LRRC56: variants seen among roughly 807,000 people sequenced by gnomAD.
The protein encoded by LRRC56 is leucine-rich repeat-containing protein 56.
Under a neutral mutation model 47.8 loss-of-function variants are expected in LRRC56, and 41 were observed. The ratio of observed to expected loss-of-function variants is 0.86; its 90% CI spans 0.67 to 1.11. The LOEUF (loss-of-function observed/expected upper bound fraction) is 1.11, where lower values mean the gene tolerates loss of function less well. Ranked by LOEUF, LRRC56 falls within the 50% of genes most tolerant of loss-of-function variation. The pLI is 0.00. For synonymous variants in LRRC56, 387 were observed against 311.2 expected (o/e 1.24, Z -2.56); for missense variants, 759 against 704.2 (o/e 1.08, Z -0.88).
upstream of LRRC56, chr11:532,758 G>T: frequency 6.2e-7 from 1 of 1,612,300 alleles, no homozygotes; most frequent in Non-Finnish European, 8.5e-7. Context: ...TCCACTCCCT[G>T]GGAAAGGAGG....
At chr11:542,392 C>G (rs72841222) in intron 5 of LRRC56, among the ~76,000 whole-genome samples, 21,401 of 151,766 alleles carry the variant, frequency 0.14, 2,154 homozygotes, top group African/African-American at 0.29. Context: ...GGATGGATCA[C>G]TTGAGCCCAG....
Position 551,809 on chromosome 11 carries a change from A to T in LRRC56, c.955A>T (p.Thr319Ser). The change falls in exon 10 of 14, where the codon ACC (threonine) becomes TCC (serine). Residue 319 changes from threonine (T) to serine (S), a missense_variant. Coordinates refer to ENST00000270115, the MANE Select transcript of LRRC56 (RefSeq NM_198075.4). ...LSEDLAPEDN[T>S]SSLTHGAGQV... The stretch of plus-strand genomic sequence containing the variant: ...TGAGGACCTGGCCCCAGAAGATAAC[A>T]CCAGCAGCCTCACCCATGGTAACTG... The T allele has an allele frequency of 6.2e-7, 1 of 1,607,466 alleles. No homozygotes were observed. The highest frequency in any genetic ancestry group is 8.5e-7 in the Non-Finnish European group (1 of 1,176,576).
rs559625811 is a variant in LRRC56, at chr11:542,823, G to A, written c.265+1199G>A. Among the ~76,000 whole-genome samples, 55 of 152,148 alleles carry A rather than the reference G, an allele frequency of 3.6e-4. 2 individuals carry two copies. In the South Asian group the frequency reaches 0.011, roughly 31 times the overall value. On this transcript the variant is annotated intron_variant, in intron 5 of 13. Coordinates refer to ENST00000270115, the MANE Select transcript of LRRC56 (RefSeq NM_198075.4). ...CCTTAAATGCAGTGCGATGGCCAAAGTCAGGAATTACACCTGTACATGACT... is the reference window on the plus strand; with the variant it reads ...CCTTAAATGCAGTGCGATGGCCAAAATCAGGAATTACACCTGTACATGACT...
In LRRC56 at chr11:552,348, G is replaced by A. The variant is rs528748342; in HGVS notation, c.1181+116G>A. 2.6e-5 allele frequency: 37 copies of A among 1,413,156 alleles called. No homozygotes were observed. In the African/African-American group the frequency reaches 5.1e-4, roughly 20 times the overall value. The allele number at this position is 1,413,156 out of a possible 1,614,324, so 87.5% of individuals were successfully genotyped here. On this transcript the variant is annotated intron_variant, in intron 12 of 13. Transcript: ENST00000270115. ...CAAGGCTCGTGGACCATCCCTGCAT[G>A]TCCTGTCCCGTGGGGGGATCAGGGC...
rs1417198279 is a variant in LRRC56, at chr11:552,599, A to C, written c.1212A>C (p.Gln404His). 1.2e-6 allele frequency: 2 copies of C among 1,609,166 alleles called. No individual in the cohort carries two copies. The highest frequency in any genetic ancestry group is 1.3e-5 in the African/African-American group (1 of 74,926). ...RPLPYRHPES[Q>H]QEGAVAPWGP... ...TCCCCTATAGGCACCCGGAGTCCCA[A>C]CAGGAAGGGGCTGTAGCCCCCTGGG... The change falls in exon 13 of 14, where the codon CAA becomes CAC. Residue 404 changes from glutamine to histidine, a missense_variant. Gln to His is a conservative substitution (Grantham distance 24). Coordinates refer to ENST00000270115, the MANE Select transcript of LRRC56 (RefSeq NM_198075.4).
chr11:524,523 C>G, the LRRC56 span, among the ~76,000 whole-genome samples: 1 of 151,814 alleles, frequency 6.6e-6, no homozygotes, highest in Admixed American at 6.6e-5. Flanking sequence ...CACAGCTACT[C>G]GGGAGGCTGA....
the LRRC56 span, among the ~76,000 whole-genome samples, chr11:525,642 T>A: frequency 6.6e-6 from 1 of 151,818 alleles, no homozygotes; most frequent in African/African-American, 2.4e-5. Flanking sequence ...ATGCCTGTAA[T>A]CCGAATACTT....
At position 554,511 on chromosome 11, in the gene LRRC56, T is replaced by A. The variant is rs1273413858; in HGVS notation, c.*235T>A. The A allele has an allele frequency of 8.0e-6, 3 of 375,844 alleles. No homozygotes were observed. The highest frequency in any genetic ancestry group is 1.4e-5 in the Non-Finnish European group (3 of 221,046). The allele number at this position is 375,844 out of a possible 1,614,324, so 23.3% of individuals were successfully genotyped here. A position where few individuals can be genotyped will look rare whatever the true frequency, so the allele number is the denominator to read the frequency against. On this transcript the variant is annotated 3_prime_UTR_variant, in exon 14 of 14. Transcript: ENST00000270115. ...TTGGCCTGGGGAGGGAGGGTCCGGC[T>A]CCCCAGCCCTTCCTTAGGGCCAGGC...
At chr11:510,804 G>A in the LRRC56 span, among the ~76,000 whole-genome samples, 1 of 152,104 alleles carries the variant, frequency 6.6e-6, no homozygotes, top group Non-Finnish European at 1.5e-5. Context: ...AGCTACTTGG[G>A]AGGCTGAGGC....
Position 553,961 on chromosome 11 carries a change from A to G in LRRC56, c.1316-2A>G, listed in dbSNP as rs779294415. 2.5e-6 allele frequency: 4 copies of G among 1,609,788 alleles called. No homozygotes were observed. In the South Asian group the frequency reaches 4.4e-5, roughly 18 times the overall value. ...CGTCCCATCACTCTGCTTGCTTTCT[A>G]GAGCCCTCCGGGACCTCGAGCCAGC... On this transcript the variant is annotated splice_acceptor_variant, in intron 13 of 13. Coordinates refer to ENST00000270115, the MANE Select transcript of LRRC56 (RefSeq NM_198075.4). LOFTEE classifies it high-confidence loss of function.
rs1327084909 is a variant in LRRC56 at position 551,938 on chromosome 11, G to A, written c.1009G>A (p.Gly337Ser). ...AGTCCTCTGTGGGAACCCCACCAAG[G>A]GCCTGCGGGAGCGTAGGCACCAGTG... ...GQVLCGNPTK[G>S]LRERRHQCQA... The change falls in exon 11 of 14, where the codon GGC (glycine) becomes AGC (serine). Residue 337 changes from glycine (G) to serine (S), a missense_variant. Physicochemically the swap from Gly to Ser is moderately conservative, Grantham distance 56. Coordinates refer to ENST00000270115, the MANE Select transcript of LRRC56 (RefSeq NM_198075.4). 1.2e-6 allele frequency: 2 copies of A among 1,612,574 alleles called. No homozygotes were observed. Among genetic ancestry groups the A allele is most frequent in the African/African-American group, 1.3e-5 (1 of 74,916 alleles).
At chr11:548,322 C>G (rs1490567603) in intron 6 of LRRC56, among the ~76,000 whole-genome samples, 1 of 152,146 alleles carries the variant, frequency 6.6e-6, no homozygotes, top group Non-Finnish European at 1.5e-5. Context: ...ACTCTGTCGC[C>G]CAGGCTGGAG....
chr11:550,124 T>C lies in LRRC56; in HGVS notation c.476T>C (p.Leu159Pro). 4 of 1,613,506 alleles carry C rather than the reference T, an allele frequency of 2.5e-6. No individual in the cohort carries two copies. The highest frequency in any genetic ancestry group is 2.5e-6 in the Non-Finnish European group (3 of 1,179,862). Residue 159 changes from leucine (L) to proline (P), a missense_variant, in exon 8 of 14, where the codon CTG becomes CCG. Leu to Pro is a moderately conservative substitution (Grantham distance 98). Coordinates refer to ENST00000270115, the MANE Select transcript of LRRC56 (RefSeq NM_198075.4). ...TCGGACCTGAGCCCACTGTGCCTGCTGGAACAATTGGAGGTGCTGGACCTG... is the reference window on the plus strand; with the variant it reads ...TCGGACCTGAGCCCACTGTGCCTGCCGGAACAATTGGAGGTGCTGGACCTG... ...NISDLSPLCL[L>P]EQLEVLDLEG...
chr11:507,776 G>T, the LRRC56 span, among the ~76,000 whole-genome samples: 1 of 152,226 alleles, frequency 6.6e-6, no homozygotes, highest in Non-Finnish European at 1.5e-5. Context: ...CGCGACCCCC[G>T]AGGGAGCCAC....
Position 554,527 on chromosome 11 carries a change from AG to A in LRRC56, c.*254del, listed in dbSNP as rs1480929502. 1.7e-5 allele frequency: 6 copies of A among 360,870 alleles called. No homozygotes were observed. The highest frequency in any genetic ancestry group is 1.4e-5 in the Non-Finnish European group (3 of 210,532). 22.4% of individuals were successfully genotyped at this position (360,870 alleles called of 1,614,324 possible). On this transcript the variant is annotated 3_prime_UTR_variant, in exon 14 of 14. Transcript: ENST00000270115. ...GGGTCCGGCTCCCCAGCCCTTCCTT[AG>A]GGCCAGGCTTTCCCGCGGGCACGGG...
rs1406704184 is a variant in LRRC56 at position 550,105 on chromosome 11, C to T, written c.457C>T (p.Leu153=). The change falls in exon 8 of 14, where the codon CTG becomes TTG. Residue 153 remains leucine (L), a synonymous_variant. Coordinates refer to ENST00000270115, the MANE Select transcript of LRRC56 (RefSeq NM_198075.4). ...LYASYNNISD[L]SPLCLLEQLE... is the part of the protein sequence containing the mutation. ...CGCCTCCTACAACAACATCTCGGAC[C>T]TGAGCCCACTGTGCCTGCTGGAACA... The T allele has an allele frequency of 6.8e-6, 11 of 1,613,300 alleles. No individual in the cohort carries two copies. The highest frequency in any genetic ancestry group is 9.3e-6 in the Non-Finnish European group (11 of 1,179,740).
At chr11:533,114 CAA>C (rs1194082051), upstream of LRRC56, among the ~76,000 whole-genome samples, 5 of 152,348 alleles carry the variant, frequency 3.3e-5, no homozygotes, top group African/African-American at 1.2e-4. Context: ...ACTCTGGGGA[CAA>C]GAGGGGCCGG....
the LRRC56 span, among the ~76,000 whole-genome samples, chr11:517,602 C>A: frequency 6.6e-5 from 10 of 151,850 alleles, no homozygotes; most frequent in African/African-American, 2.4e-4. Flanking sequence ...GCCCGGCCAC[C>A]CCGTCTGGGA....
upstream of LRRC56, among the ~76,000 whole-genome samples, chr11:533,072 T>C (rs1851204274): frequency 6.6e-6 from 1 of 152,116 alleles, no homozygotes; most frequent in Non-Finnish European, 1.5e-5. Flanking sequence ...GTAGCCCCAC[T>C]AAGACTCAGA....
Sources: gnomAD v4.1 joint callset for allele counts (sites outside exome capture counted in the v4.1 genomes callset) on GRCh38, gnomAD v4.1.1 for gene constraint, MANE v1.5 for transcripts, NCBI Gene and HGNC (gene_info 2026-07-23, HGNC 2026-07-21) for gene names.